The following SP6 variants were observed in gnomAD, a reference collection of about 807,000 sequenced individuals.
The protein encoded by SP6 is Sp6 transcription factor.
In SP6, 10 loss-of-function variants were observed where a neutral mutation model predicts 23.4. The ratio of observed to expected loss-of-function variants is 0.43; its 90% CI spans 0.26 to 0.72. SP6 has a LOEUF of 0.72. Among genes scored for constraint, SP6 ranks in the 30% least tolerant of loss-of-function variants. The probability of loss-of-function intolerance (pLI) is 0.23; values close to 1 mark genes in which losing one functional copy is unlikely to be tolerated. For missense variants in SP6, 482 were observed against 523.8 expected (o/e 0.92, Z 0.78); for synonymous variants, 238 against 238.7 (o/e 1.00, Z 0.03).
In SP6 at chr17:47,848,597, C is replaced by G. The variant is rs979077894; in HGVS notation, c.-57-111G>C. ...TGTAAAAGAAGGATGCACCTCTGAACGAGGACTAGAGATGAGTTTAGAGAA... is the reference window on the plus strand; with the variant it reads ...TGTAAAAGAAGGATGCACCTCTGAAGGAGGACTAGAGATGAGTTTAGAGAA... On this transcript the variant is annotated intron_variant, in intron 1 of 1. Transcript: ENST00000536300. This position sits in a 1 kb window ranked among gnomAD's most constrained non-coding sequence, Gnocchi z 5.3. The G allele has an allele frequency of 1.5e-5, 9 of 618,494 alleles. No individual in the cohort carries two copies. In the Admixed American group the frequency reaches 3.0e-4, roughly 20 times the overall value. The allele number at this position is 618,494 out of a possible 1,614,324, so 38.3% of individuals were successfully genotyped here.
Position 47,848,118 on chromosome 17 carries a change from A to G in SP6, c.312T>C (p.Tyr104=). Residue 104 remains tyrosine, a synonymous_variant, in exon 2 of 2, where the codon TAT becomes TAC. Transcript: ENST00000536300. The surrounding 1 kb of genome is among the most constrained non-coding windows in gnomAD (Gnocchi z 5.3). The stretch of plus-strand genomic sequence containing the variant: ...GGTGAGTCGGCCTGAACCACGATTC[A>G]TAATGGTGTGACATGTCCGGCTGCA... ...KLLQPDMSHH[Y]ESWFRPTHPG... 6.2e-7 allele frequency: 1 copy of G among 1,613,660 alleles called. No individual in the cohort carries two copies. The highest frequency in any genetic ancestry group is 8.5e-7 in the Non-Finnish European group (1 of 1,179,992).
rs763884061 is a variant in SP6 at position 47,847,734 on chromosome 17, G to A, written c.696C>T (p.Asn232=). 3.8e-6 allele frequency: 6 copies of A among 1,591,826 alleles called. No individual in the cohort carries two copies. The Admixed American group carries it at 1.0e-4, about 27-fold the overall frequency. ...CCCCCAGTCGCTCCGCCTCCAGACA[G>A]TTGGGGCAGCGACAGACGGTCTGGC... ...SSGQTVCRCP[N]CLEAERLGAP... is the part of the protein sequence containing the mutation. Residue 232 remains asparagine, a synonymous_variant, in exon 2 of 2, where the codon AAC becomes AAT. Coordinates refer to ENST00000536300, the MANE Select transcript of SP6 (RefSeq NM_001258248.2).
chr17:47,852,523 T>C (rs73985415), upstream of SP6, among the ~76,000 whole-genome samples: 3,680 of 152,256 alleles, frequency 0.024, 131 homozygotes, highest in African/African-American at 0.081. Context: ...AAAATTTCGT[T>C]TTCCTCTTTA....
At chr17:47,853,560 C>T (rs2033977436), upstream of SP6, among the ~76,000 whole-genome samples, 2 of 152,144 alleles carry the variant, frequency 1.3e-5, no homozygotes, top group African/African-American at 2.4e-5. Flanking sequence ...GACCAAGTTC[C>T]CCTCCCATTT....
chr17:47,855,083 C>A (rs995661732), upstream of SP6, among the ~76,000 whole-genome samples: 1 of 152,208 alleles, frequency 6.6e-6, no homozygotes, highest in Non-Finnish European at 1.5e-5. Flanking sequence ...TAAGGCCAAG[C>A]ACAATGCTGG....
At position 47,848,293 on chromosome 17, in the gene SP6, G is replaced by A. The variant is rs759747518; in HGVS notation, c.137C>T (p.Pro46Leu). 4.3e-6 allele frequency: 7 copies of A among 1,612,212 alleles called. No homozygotes were observed. In the East Asian group the frequency reaches 1.3e-4, roughly 31 times the overall value. ...TSPEAGDYPSPLQPGELQSLP... is the reference protein window; with the variant it reads ...TSPEAGDYPSLLQPGELQSLP... The stretch of plus-strand genomic sequence containing the variant: ...GCTCTGCAGCTCTCCAGGCTGCAGC[G>A]GGGAGGGGTAGTCCCCGGCCTCAGG... Residue 46 changes from proline (P) to leucine (L), a missense_variant, in exon 2 of 2, where the codon CCG becomes CTG. Around this residue, in one of 3 missense-constraint regions of SP6, gnomAD observed 330 missense variants for 332.3 expected, o/e 0.99. Coordinates refer to ENST00000536300, the MANE Select transcript of SP6 (RefSeq NM_001258248.2). The surrounding 1 kb of genome is among the most constrained non-coding windows in gnomAD (Gnocchi z 5.3).
At chr17:47,860,692 C>T (rs1029406171), upstream of SP6, among the ~76,000 whole-genome samples, 7 of 135,042 alleles carry the variant, frequency 5.2e-5, no homozygotes, top group East Asian at 2.0e-4. Context: ...AGTAAGACTC[C>T]GACTCTACAA....
At chr17:47,863,735 TGTA>T in the SP6 span, among the ~76,000 whole-genome samples, 1 of 122,982 alleles carries the variant, frequency 8.1e-6, no homozygotes, top group South Asian at 2.6e-4. Flanking sequence ...CGCCTAATTT[TGTA>T]TTTTTTTTTT....
At chr17:47,860,390 T>C (rs963795882), upstream of SP6, among the ~76,000 whole-genome samples, 2 of 152,240 alleles carry the variant, frequency 1.3e-5, no homozygotes, top group African/African-American at 2.4e-5. Flanking sequence ...GCTGTGTGCA[T>C]GTGTAAGATC....
the SP6 span, among the ~76,000 whole-genome samples, chr17:47,866,526 A>G: frequency 1.3e-5 from 2 of 152,218 alleles, no homozygotes; most frequent in Non-Finnish European, 2.9e-5. Context: ...ACAAACAACC[A>G]TTCCAGTGAT....
At chr17:47,860,185 GC>G (rs1321028407), upstream of SP6, among the ~76,000 whole-genome samples, 5 of 152,064 alleles carry the variant, frequency 3.3e-5, no homozygotes, top group East Asian at 9.6e-4. Flanking sequence ...ATATTTTCAC[GC>G]CCCACACTGT....
rs549326151 is a variant in SP6 at position 47,847,403 on chromosome 17, C to T, written c.1027G>A (p.Ala343Thr). The change falls in exon 2 of 2, where the codon GCG becomes ACG. Residue 343 changes from alanine to threonine, a missense_variant. Ala to Thr is a moderately conservative substitution (Grantham distance 58). Transcript: ENST00000536300. ...CCCTCTCCCGAGGCCGCCCCAGCCG[C>T]CTCCTCCTTGGCGCCCTCGTGGGTT... is the stretch of plus-strand genomic sequence containing the variant. Reference protein sequence around the residue: ...MKTHEGAKEEAAGAASGEGKA... With the variant: ...MKTHEGAKEETAGAASGEGKA... 6.2e-7 allele frequency: 1 copy of T among 1,613,296 alleles called. No homozygotes were observed. Among genetic ancestry groups the T allele is most frequent in the African/African-American group, 1.3e-5 (1 of 75,040 alleles).
chr17:47,867,984 T>A, the SP6 span, among the ~76,000 whole-genome samples: 1 of 151,982 alleles, frequency 6.6e-6, no homozygotes, highest in East Asian at 1.9e-4. Context: ...GCCACACACA[T>A]AGAGCCTCCA....
chr17:47,848,476 T>C lies in SP6; in HGVS notation c.-47A>G. On this transcript the variant is annotated 5_prime_UTR_variant, in exon 2 of 2. Transcript: ENST00000536300. This position sits in a 1 kb window ranked among gnomAD's most constrained non-coding sequence, Gnocchi z 5.3. ...GAGGGCAGGGACGGTCAGGGGCACC[T>C]CAGACGGGACCTAAAGGAGGCGAAG... The C allele has an allele frequency of 1.4e-6, 2 of 1,445,948 alleles. No individual in the cohort carries two copies. The highest frequency in any genetic ancestry group is 2.9e-5 in the South Asian group (2 of 68,214). 89.6% of individuals were successfully genotyped at this position (1,445,948 alleles called of 1,614,324 possible).
At position 47,848,235 on chromosome 17, in the gene SP6, C is replaced by T; in HGVS notation, c.195G>A (p.Gln65=). 6.2e-7 allele frequency: 1 copy of T among 1,611,996 alleles called. No homozygotes were observed. Among genetic ancestry groups the T allele is most frequent in the South Asian group, 1.1e-5 (1 of 91,046 alleles). The change falls in exon 2 of 2, where the codon CAG becomes CAA. Residue 65 remains glutamine (Q), a synonymous_variant. Coordinates refer to ENST00000536300, the MANE Select transcript of SP6 (RefSeq NM_001258248.2). This position sits in a 1 kb window ranked among gnomAD's most constrained non-coding sequence, Gnocchi z 5.3. Reference sequence around the variant, plus strand: ...AGGAGGCCCCTGGCAGCTCATAGCCCTGCGAGAAGTCCACCTCCGGGCCCA... The same window carrying T: ...AGGAGGCCCCTGGCAGCTCATAGCCTTGCGAGAAGTCCACCTCCGGGCCCA... The part of the protein sequence containing the change: ...LPLGPEVDFS[Q]GYELPGASSR...
At chr17:47,853,586 C>T (rs180851751), upstream of SP6, among the ~76,000 whole-genome samples, 1 of 152,272 alleles carries the variant, frequency 6.6e-6, no homozygotes, top group East Asian at 1.9e-4. Context: ...CATCAGATTG[C>T]CTTCTCTTCC....
rs2033949022 is a variant in SP6 at position 47,850,971 on chromosome 17, C to G, written c.-110G>C. ...GGCTGGCTGGTGCGCTACTGACGGT[C>G]GCTCATAGGCCCTGTGCGCCGGCGA... On this transcript the variant is annotated 5_prime_UTR_variant, in exon 1 of 2. Coordinates refer to ENST00000536300, the MANE Select transcript of SP6 (RefSeq NM_001258248.2). 1 of 152,302 alleles carries G rather than the reference C, an allele frequency of 6.6e-6. No individual in the cohort carries two copies. The highest frequency in any genetic ancestry group is 2.4e-5 in the African/African-American group (1 of 41,446). The allele number at this position is 152,302 out of a possible 1,614,324, so 9.4% of individuals were successfully genotyped here. A position where few individuals can be genotyped will look rare whatever the true frequency, so the allele number is the denominator to read the frequency against.
At chr17:47,860,936 G>A in the SP6 span, among the ~76,000 whole-genome samples, 3 of 152,210 alleles carry the variant, frequency 2.0e-5, no homozygotes, top group South Asian at 2.1e-4. Flanking sequence ...AGCTGGGCAC[G>A]GCCACCAACC....
upstream of SP6, among the ~76,000 whole-genome samples, chr17:47,856,314 G>A (rs138967284): frequency 2.0e-5 from 3 of 152,320 alleles, no homozygotes; most frequent in Non-Finnish European, 4.4e-5. Context: ...TTGGACCTGG[G>A]ATCTCTCATT....
Sources: allele counts gnomAD v4.1 joint callset (sites outside exome capture counted in the v4.1 genomes callset), GRCh38; gene constraint gnomAD v4.1.1; regional missense constraint gnomAD v4.1.1; non-coding constraint Gnocchi (gnomAD v3.1); transcripts MANE v1.5; gene names NCBI Gene and HGNC (gene_info 2026-07-23, HGNC 2026-07-21).